RANBP17: variants seen among roughly 807,000 people sequenced by gnomAD.
The protein encoded by RANBP17 is RAN binding protein 17, also known as ran-binding protein 17.
RANBP17 carries 158 observed loss-of-function variants against 141.2 expected under a neutral mutation model. That is an observed-to-expected ratio of 1.12 (90% CI 0.98 to 1.28). The LOEUF (loss-of-function observed/expected upper bound fraction) is 1.28, where lower values mean the gene tolerates loss of function less well. RANBP17 is among the 50% of genes most tolerant of loss of function. RANBP17 has a pLI of 0.00. For missense variants in RANBP17, 1,438 were observed against 1,290.7 expected (o/e 1.11, Z -1.75); for synonymous variants, 430 against 450.0 (o/e 0.96, Z 0.56).
At chr5:171,232,671 T>G (rs1184844569) in intron 22 of RANBP17, among the ~76,000 whole-genome samples, 3 of 152,208 alleles carry the variant, frequency 2.0e-5, no homozygotes, top group Non-Finnish European at 4.4e-5. Context: ...TTAGTGTATG[T>G]GCCCTTCTAT....
intron 12 of RANBP17, among the ~76,000 whole-genome samples, chr5:170,951,424 G>A (rs1385809466): frequency 1.3e-5 from 2 of 152,062 alleles, no homozygotes; most frequent in East Asian, 1.9e-4. Flanking sequence ...AGAAAAATAA[G>A]TATTGATATG....
intron 14 of RANBP17, among the ~76,000 whole-genome samples, chr5:171,096,711 G>A (rs1052383744): frequency 6.6e-6 from 1 of 152,094 alleles, no homozygotes; most frequent in Non-Finnish European, 1.5e-5. Context: ...AATAAATTTA[G>A]GGAAATAATA....
At chr5:170,909,291 TTTC>T (rs1771329873) in intron 5 of RANBP17, among the ~76,000 whole-genome samples, 1 of 151,876 alleles carries the variant, frequency 6.6e-6, no homozygotes, top group African/African-American at 2.4e-5. Context: ...CTAATTCAGT[TTTC>T]TTATTCATAG....
At chr5:170,932,220 G>A (rs1001620750) in intron 12 of RANBP17, among the ~76,000 whole-genome samples, 1 of 152,128 alleles carries the variant, frequency 6.6e-6, no homozygotes, top group African/African-American at 2.4e-5. Flanking sequence ...TCTGTTATTG[G>A]TGTATAGGAA....
At chr5:170,940,605 A>G (rs1353771329) in intron 12 of RANBP17, among the ~76,000 whole-genome samples, 1 of 152,176 alleles carries the variant, frequency 6.6e-6, no homozygotes, top group African/African-American at 2.4e-5. Context: ...TATCAAGCAA[A>G]AATTGATAGT....
At chr5:171,098,133 A>C (rs1328056973) in intron 14 of RANBP17, among the ~76,000 whole-genome samples, 4 of 152,124 alleles carry the variant, frequency 2.6e-5, no homozygotes, top group African/African-American at 9.7e-5. Flanking sequence ...ATGATTTATA[A>C]TCCTTTGGGT....
intron 22 of RANBP17, among the ~76,000 whole-genome samples, chr5:171,226,916 A>G (rs1269141602): frequency 3.3e-5 from 5 of 152,204 alleles, no homozygotes; most frequent in Non-Finnish European, 7.4e-5. Flanking sequence ...GCAACCCTGC[A>G]TGGAGCAAGT....
chr5:170,933,267 T>C (rs1773556051), intron 12 of RANBP17, among the ~76,000 whole-genome samples: 1 of 152,218 alleles, frequency 6.6e-6, no homozygotes, highest in African/African-American at 2.4e-5. Flanking sequence ...ATCCCCTTTA[T>C]CATTTTTTAT....
At chr5:170,915,282 A>G (rs1771858219) in intron 8 of RANBP17, among the ~76,000 whole-genome samples, 1 of 152,176 alleles carries the variant, frequency 6.6e-6, no homozygotes, top group Admixed American at 6.6e-5. Context: ...ATTGTATGAT[A>G]CTTATCTCAC....
intron 14 of RANBP17, among the ~76,000 whole-genome samples, chr5:171,056,395 CCA>C (rs1783375812): frequency 1.3e-5 from 2 of 152,000 alleles, no homozygotes; most frequent in Admixed American, 6.6e-5. Context: ...CTTAGGGCAG[CCA>C]CAGTCAAAAA....
At chr5:170,964,731 C>T (rs1156817588) in intron 13 of RANBP17, among the ~76,000 whole-genome samples, 1 of 152,184 alleles carries the variant, frequency 6.6e-6, no homozygotes, top group Non-Finnish European at 1.5e-5. Flanking sequence ...ATGAACTCAT[C>T]ATTTTTTAAG....
At chr5:170,896,236 C>A in intron 5 of RANBP17, 121 bp downstream of exon 5, 1 of 665,306 alleles carries the variant, frequency 1.5e-6, no homozygotes, top group Non-Finnish European at 2.6e-6. Flanking sequence ...TCTGAATAAT[C>A]AAGTTTTTTG....
At chr5:171,267,030 T>C (rs77734624) in intron 25 of RANBP17, among the ~76,000 whole-genome samples, 8 of 43,230 alleles carry the variant, frequency 1.9e-4, no homozygotes, top group African/African-American at 3.1e-4. Context: ...TCTTTTCTTT[T>C]TTTTTTTTTT....
intron 14 of RANBP17, among the ~76,000 whole-genome samples, chr5:171,050,952 A>G (rs1782914952): frequency 6.6e-6 from 1 of 152,280 alleles, no homozygotes; most frequent in Non-Finnish European, 1.5e-5. Flanking sequence ...TAATTCTGTA[A>G]TAGAATTTTG....
intron 14 of RANBP17, chr5:170,983,042 A>G (rs1206552747): frequency 2.0e-6 from 1 of 490,920 alleles, no homozygotes; most frequent in Non-Finnish European, 4.0e-6. Flanking sequence ...CCTCAACTTT[A>G]CTTCTCTTAT....
chr5:171,293,740 C>T, intron 25 of RANBP17, 143 bp from the exon 26 acceptor site: 3 of 647,950 alleles, frequency 4.6e-6, no homozygotes, highest in Non-Finnish European at 8.3e-6. Context: ...TTATAAGCTT[C>T]CAGAGTCTAG....
At chr5:171,086,389 T>C (rs1242991577) in intron 14 of RANBP17, among the ~76,000 whole-genome samples, 10 of 151,874 alleles carry the variant, frequency 6.6e-5, no homozygotes, top group Non-Finnish European at 1.0e-4. Context: ...AGGATTTTTG[T>C]ATCAATGTTC....
At chr5:171,122,075 A>G (rs1282463395) in intron 14 of RANBP17, among the ~76,000 whole-genome samples, 4 of 152,136 alleles carry the variant, frequency 2.6e-5, no homozygotes, top group Non-Finnish European at 5.9e-5. Flanking sequence ...TCTTCTGCTT[A>G]CTTTTTCCCT....
chr5:170,932,875 T>C (rs1222595146), intron 12 of RANBP17, among the ~76,000 whole-genome samples: 1 of 152,204 alleles, frequency 6.6e-6, no homozygotes, highest in Non-Finnish European at 1.5e-5. Flanking sequence ...ATTCTCTTTT[T>C]TTTTGTTGTG....
Sources: gnomAD v4.1 joint callset for allele counts (sites outside exome capture counted in the v4.1 genomes callset) on GRCh38, gnomAD v4.1.1 for gene constraint, MANE v1.5 for transcripts, NCBI Gene and HGNC (gene_info 2026-07-23, HGNC 2026-07-21) for gene names.